The following TANC2 variants were observed in gnomAD, a reference collection of about 807,000 sequenced individuals.
TANC2 encodes the protein tetratricopeptide repeat, ankyrin repeat and coiled-coil containing 2.
Under a neutral mutation model 210.5 loss-of-function variants are expected in TANC2, and 26 were observed. The observed-to-expected ratio is 0.12, with a 90% CI of 0.09 to 0.17. TANC2 has a LOEUF of 0.17. Among genes scored for constraint, TANC2 ranks in the 10% least tolerant of loss-of-function variants. The pLI is 1.00. For missense variants in TANC2, 2,129 were observed against 2,608.9 expected, an observed-to-expected ratio of 0.82 and a Z score of 4.01; for synonymous variants, 931 against 967.1, an observed-to-expected ratio of 0.96 and a Z score of 0.69.
intron 9 of TANC2, among the ~76,000 whole-genome samples, chr17:63,305,963 A>G (rs965995675): frequency 2.0e-5 from 3 of 152,236 alleles, no homozygotes; most frequent in Non-Finnish European, 2.9e-5. Flanking sequence ...GAGCCATGTT[A>G]CAGAAAGCCG....
intron 4 of TANC2, chr17:63,148,697 C>A (rs2039545333): frequency 6.6e-6 from 1 of 152,180 alleles, no homozygotes; most frequent in Non-Finnish European, 1.5e-5. Flanking sequence ...CAACCACTTT[C>A]TTTCTTCTTT....
At chr17:63,041,147 C>CT (rs1249005830) in intron 2 of TANC2, among the ~76,000 whole-genome samples, 3 of 151,764 alleles carry the variant, frequency 2.0e-5, no homozygotes, top group Non-Finnish European at 4.4e-5. Context: ...TCAGAAACTC[C>CT]TTTTTTATAG....
chr17:63,256,622 T>G lies in TANC2; in HGVS notation c.1034-11126T>G, dbSNP rs148642271. 1.4e-4 allele frequency among the ~76,000 whole-genome samples: 22 copies of G among 152,362 alleles called. No individual in the cohort carries two copies. In the East Asian group the frequency reaches 4.0e-3, roughly 28 times the overall value. ...TCTATTAGATCCATTTGGTCTATAA[T>G]GCAGATTAAGTCGAATGTTTCTTTT... On this transcript the variant is annotated intron_variant, in intron 8 of 27. Coordinates refer to ENST00000689528, the Ensembl canonical transcript of TANC2.
At chr17:63,203,092 T>C (rs1278648227) in intron 7 of TANC2, among the ~76,000 whole-genome samples, 1 of 152,166 alleles carries the variant, frequency 6.6e-6, no homozygotes, top group East Asian at 1.9e-4. Context: ...CATATGATTA[T>C]TTAACTTCAT....
intron 7 of TANC2, among the ~76,000 whole-genome samples, chr17:63,233,065 G>A (rs947114555): frequency 2.0e-5 from 3 of 152,232 alleles, no homozygotes. Context: ...TGCACTGTGG[G>A]GAATTCTTCC....
chr17:63,083,856 G>A (rs911659961), intron 3 of TANC2, among the ~76,000 whole-genome samples: 6 of 152,128 alleles, frequency 3.9e-5, no homozygotes, highest in Non-Finnish European at 7.3e-5. Context: ...TAGTCATGGT[G>A]TGTAATTCCT....
At chr17:63,334,236 A>G (rs1266660305) in intron 11 of TANC2, 1 of 152,208 alleles carries the variant, frequency 6.6e-6, no homozygotes, top group African/African-American at 2.4e-5. Context: ...AGAGAAGTAG[A>G]TGATCCCAGA....
chr17:63,235,631 ATCT>A (rs758918945), intron 7 of TANC2, among the ~76,000 whole-genome samples: 3 of 152,016 alleles, frequency 2.0e-5, no homozygotes, highest in Admixed American at 6.5e-5. Flanking sequence ...TTTATAATTC[ATCT>A]TCTTCCCGTG....
chr17:63,353,873 TGAAAGTTACTGATGCCCTTGACAA>T (rs1166239277), intron 13 of TANC2, among the ~76,000 whole-genome samples: 1 of 152,046 alleles, frequency 6.6e-6, no homozygotes, highest in Non-Finnish European at 1.5e-5. Flanking sequence ...TTTGGCAAAG[TGAAAGTTACTGATGCCCTTGACAA>T]GAACCATTTC....
At chr17:63,226,332 C>T (rs2042327956) in intron 7 of TANC2, among the ~76,000 whole-genome samples, 1 of 152,154 alleles carries the variant, frequency 6.6e-6, no homozygotes. Flanking sequence ...TAATCATGTG[C>T]CTCGGTTGCC....
chr17:63,230,656 T>C (rs1468792090), intron 7 of TANC2, among the ~76,000 whole-genome samples: 1 of 152,208 alleles, frequency 6.6e-6, no homozygotes, highest in Non-Finnish European at 1.5e-5. Context: ...TTCAGCTCTT[T>C]TGCATTTCCT....
chr17:63,223,756 G>A (rs559591506), intron 7 of TANC2, among the ~76,000 whole-genome samples: 1 of 152,090 alleles, frequency 6.6e-6, no homozygotes, highest in African/African-American at 2.4e-5. Context: ...CGAGCAGTGA[G>A]GGCAAGCAGA....
intron 2 of TANC2, among the ~76,000 whole-genome samples, chr17:63,064,626 TC>T (rs2036128779): frequency 6.6e-6 from 1 of 152,206 alleles, no homozygotes; most frequent in Non-Finnish European, 1.5e-5. Context: ...TTTACAATTT[TC>T]CTTTTATATA....
intron 5 of TANC2, among the ~76,000 whole-genome samples, chr17:63,167,376 ATG>A (rs768636386): frequency 3.3e-5 from 5 of 152,188 alleles, no homozygotes; most frequent in African/African-American, 4.8e-5. Context: ...ATTTCAGAAA[ATG>A]TGGTTGGGTT....
chr17:63,069,803 C>G (rs1169902383), intron 2 of TANC2, among the ~76,000 whole-genome samples: 1 of 151,998 alleles, frequency 6.6e-6, no homozygotes, highest in Non-Finnish European at 1.5e-5. Flanking sequence ...TACTGGGTTC[C>G]ATTGTGCTTT....
chr17:63,092,116 A>G (rs1011342939), intron 3 of TANC2, among the ~76,000 whole-genome samples: 1 of 152,134 alleles, frequency 6.6e-6, no homozygotes, highest in Non-Finnish European at 1.5e-5. Flanking sequence ...TTGCATGTAT[A>G]TGTCACAATT....
At chr17:63,192,503 A>C (rs1021910395) in intron 5 of TANC2, among the ~76,000 whole-genome samples, 4 of 152,204 alleles carry the variant, frequency 2.6e-5, no homozygotes, top group African/African-American at 9.6e-5. Context: ...CTATTATTAC[A>C]AGTTATCTCT....
intron 8 of TANC2, among the ~76,000 whole-genome samples, chr17:63,262,525 A>C (rs2043395734): frequency 6.6e-6 from 1 of 151,848 alleles, no homozygotes. Context: ...TGCCTATCCC[A>C]TGTGTCCTTT....
intron 2 of TANC2, among the ~76,000 whole-genome samples, chr17:63,016,573 G>A (rs1400234819): frequency 6.6e-6 from 1 of 151,986 alleles, no homozygotes; most frequent in East Asian, 1.9e-4. Flanking sequence ...ATTTCTTTTG[G>A]GTATATAGGA....
Sources: gnomAD v4.1 joint callset for allele counts (sites outside exome capture counted in the v4.1 genomes callset) on GRCh38, gnomAD v4.1.1 for gene constraint, MANE v1.5 for transcripts, NCBI Gene and HGNC (gene_info 2026-07-23, HGNC 2026-07-21) for gene names.